Variants in MACROD2 observed in about 807,000 individuals in gnomAD.
MACROD2 encodes mono-ADP ribosylhydrolase 2.
A neutral mutation model predicts 70.4 loss-of-function variants in MACROD2; 36 were observed. The observed-to-expected ratio is 0.51, with a 90% CI of 0.39 to 0.68. The LOEUF (loss-of-function observed/expected upper bound fraction) is 0.68. Among genes scored for constraint, MACROD2 ranks in the 30% least tolerant of loss-of-function variants. The pLI, the probability that MACROD2 is intolerant of heterozygous loss-of-function variation, is 0.00. For missense variants in MACROD2, 496 were observed against 538.4 expected, an observed-to-expected ratio of 0.92 and a Z score of 0.78; for synonymous variants, 172 against 178.8, an observed-to-expected ratio of 0.96 and a Z score of 0.30.
intron 5 of MACROD2, among the ~76,000 whole-genome samples, chr20:15,085,868 CACACA>C (rs1233650150): frequency 1.9e-4 from 21 of 110,536 alleles, no homozygotes; most frequent in Non-Finnish European, 3.3e-4. Context: ...AACACACACA[CACACA>C]ACACACACAC....
intron 8 of MACROD2, among the ~76,000 whole-genome samples, chr20:15,721,737 G>C (rs2423979): frequency 0.63 from 96,154 of 151,906 alleles, 33,651 homozygotes; most frequent in Non-Finnish European, 0.79. Context: ...ATTTTGGGTG[G>C]ATCACACAAA....
At chr20:15,111,388 T>C (rs1453222900) in intron 5 of MACROD2, among the ~76,000 whole-genome samples, 1 of 152,112 alleles carries the variant, frequency 6.6e-6, no homozygotes, top group East Asian at 1.9e-4. Context: ...GCCAGGCTGG[T>C]CTTGATCTCT....
intron 8 of MACROD2, among the ~76,000 whole-genome samples, chr20:15,773,836 G>A (rs78415256): frequency 0.016 from 2,385 of 152,156 alleles, 66 homozygotes; most frequent in African/African-American, 0.053. Flanking sequence ...CACTGATCTC[G>A]AAGAAAAGTT....
chr20:15,891,079 C>A (rs981075095), intron 10 of MACROD2, among the ~76,000 whole-genome samples: 21 of 152,096 alleles, frequency 1.4e-4, no homozygotes, highest in African/African-American at 4.1e-4. Flanking sequence ...ATTTCACATA[C>A]AAGTGATGTG....
At chr20:14,130,408 C>CGT (rs1351110625) in intron 3 of MACROD2, among the ~76,000 whole-genome samples, 1 of 151,878 alleles carries the variant, frequency 6.6e-6, no homozygotes, top group Non-Finnish European at 1.5e-5. Flanking sequence ...ATTAGCCGAG[C>CGT]GTGATGGCGG....
intron 3 of MACROD2, among the ~76,000 whole-genome samples, chr20:14,136,168 T>C (rs2054794020): frequency 6.6e-6 from 1 of 152,086 alleles, no homozygotes. Context: ...GAAAAATCAA[T>C]CCTATTTCTA....
intron 3 of MACROD2, among the ~76,000 whole-genome samples, chr20:14,119,116 G>T (rs112103026): frequency 0.04 from 6,000 of 149,246 alleles, 167 homozygotes; most frequent in African/African-American, 0.078. Flanking sequence ...CCAAAGTGCT[G>T]GGATTACAGG....
At chr20:15,976,821 C>G (rs1043672124) in intron 13 of MACROD2, among the ~76,000 whole-genome samples, 4 of 152,034 alleles carry the variant, frequency 2.6e-5, no homozygotes, top group Non-Finnish European at 1.5e-5. Context: ...AGAGTAGAGA[C>G]AGGTTTAGAG....
At chr20:14,928,178 C>G (rs2074255982) in intron 5 of MACROD2, among the ~76,000 whole-genome samples, 1 of 152,170 alleles carries the variant, frequency 6.6e-6, no homozygotes, top group South Asian at 2.1e-4. Context: ...CTACTTCATC[C>G]TTTTATGCCC....
At chr20:15,782,717 C>CAAAAAAAAAAAGAAAAAAAAAAAAAAA (rs2051854649) in intron 8 of MACROD2, among the ~76,000 whole-genome samples, 1 of 83,358 alleles carries the variant, frequency 1.2e-5, no homozygotes, top group Admixed American at 1.4e-4. Flanking sequence ...AGAGAAATGG[C>CAAAAAAAAAAAGAAAAAAAAAAAAAAA]AAAAAAAAAA....
At chr20:14,552,242 A>G (rs992628384) in intron 4 of MACROD2, among the ~76,000 whole-genome samples, 1 of 132,886 alleles carries the variant, frequency 7.5e-6, no homozygotes, top group African/African-American at 2.9e-5. Flanking sequence ...CATTTAAATG[A>G]CCCTTTGAGT....
intron 8 of MACROD2, among the ~76,000 whole-genome samples, chr20:15,677,024 C>G (rs2050066943): frequency 6.6e-6 from 1 of 152,110 alleles, no homozygotes; most frequent in Non-Finnish European, 1.5e-5. Context: ...AAATTGATGA[C>G]TTTGGGATAT....
chr20:16,044,761 T>C, intron 17 of MACROD2, 122 bp downstream of exon 17: 1 of 832,332 alleles, frequency 1.2e-6, no homozygotes, highest in South Asian at 1.6e-5. Flanking sequence ...GGATAAACCT[T>C]GAAAATCTTT....
intron 5 of MACROD2, among the ~76,000 whole-genome samples, chr20:14,975,557 G>C (rs1280323841): frequency 6.6e-6 from 1 of 152,078 alleles, no homozygotes; most frequent in Non-Finnish European, 1.5e-5. Context: ...GGTCAGATGA[G>C]GGGAGGAAAG....
At chr20:15,934,238 T>C (rs1035824593) in intron 11 of MACROD2, among the ~76,000 whole-genome samples, 4 of 152,220 alleles carry the variant, frequency 2.6e-5, no homozygotes, top group African/African-American at 7.2e-5. Context: ...GCTGAACTCT[T>C]GGAATTAAAC....
intron 5 of MACROD2, among the ~76,000 whole-genome samples, chr20:14,916,518 C>T (rs1213785307): frequency 6.6e-6 from 1 of 152,144 alleles, no homozygotes; most frequent in African/African-American, 2.4e-5. Flanking sequence ...ATATCTGCCT[C>T]ATGTGCTTGT....
intron 5 of MACROD2, among the ~76,000 whole-genome samples, chr20:14,697,805 C>A (rs941948110): frequency 2.0e-5 from 3 of 152,152 alleles, no homozygotes; most frequent in Admixed American, 1.3e-4. Context: ...TCGGTAGAGT[C>A]ACAATGACAG....
intron 3 of MACROD2, among the ~76,000 whole-genome samples, chr20:14,226,855 C>T (rs1457013661): frequency 6.6e-6 from 1 of 152,352 alleles, no homozygotes; most frequent in African/African-American, 2.4e-5. Flanking sequence ...TCCACGGCGC[C>T]CAGTCCCATC....
intron 5 of MACROD2, among the ~76,000 whole-genome samples, chr20:14,932,678 G>C (rs1374605968): frequency 2.6e-5 from 4 of 151,998 alleles, no homozygotes; most frequent in Non-Finnish European, 5.9e-5. Flanking sequence ...TGATTCTCCT[G>C]CCTCAGCCTC....
Sources: gnomAD v4.1 joint callset for allele counts (sites outside exome capture counted in the v4.1 genomes callset) on GRCh38, gnomAD v4.1.1 for gene constraint, MANE v1.5 for transcripts, NCBI Gene and HGNC (gene_info 2026-07-23, HGNC 2026-07-21) for gene names.